Variants in FGF14 observed in about 807,000 individuals in gnomAD.
FGF14 encodes fibroblast growth factor homologous factor 4.
In FGF14, 5 loss-of-function variants were observed where a neutral mutation model predicts 25.5. That is an observed-to-expected ratio of 0.20 (90% CI 0.10 to 0.41). The LOEUF is 0.41. Among genes scored for constraint, FGF14 ranks in the 10% least tolerant of loss-of-function variants. The pLI, the probability that FGF14 is intolerant of heterozygous loss-of-function variation, is 1.00. For synonymous variants in FGF14, 138 were observed against 118.3 expected (o/e 1.17, Z -1.08); for missense variants, 222 against 320.1 (o/e 0.69, Z 2.34).
At chr13:101,966,550 T>A (rs369271007) in intron 1 of FGF14, among the ~76,000 whole-genome samples, 2 of 152,124 alleles carry the variant, frequency 1.3e-5, no homozygotes, top group Admixed American at 1.3e-4. Flanking sequence ...TGGTGCCATC[T>A]CGCCTCACTG....
intron 1 of FGF14, among the ~76,000 whole-genome samples, chr13:101,897,177 C>A (rs2030821717): frequency 1.3e-5 from 2 of 152,132 alleles, no homozygotes; most frequent in African/African-American, 4.8e-5. Context: ...CCTGGGTTTG[C>A]CCCGCTCACC....
chr13:101,888,834 A>G (rs368884923), intron 1 of FGF14, among the ~76,000 whole-genome samples: 1 of 135,372 alleles, frequency 7.4e-6, no homozygotes, highest in Non-Finnish European at 1.7e-5. Flanking sequence ...ATGGTGTGAA[A>G]GCATCAAAGG....
At chr13:101,980,483 G>T (rs1453028943) in intron 1 of FGF14, among the ~76,000 whole-genome samples, 1 of 152,162 alleles carries the variant, frequency 6.6e-6, no homozygotes, top group Non-Finnish European at 1.5e-5. Flanking sequence ...TTAAACTAGA[G>T]CATTATAATA....
intron 1 of FGF14, among the ~76,000 whole-genome samples, chr13:101,906,484 T>G (rs1030859763): frequency 6.6e-6 from 1 of 152,132 alleles, no homozygotes; most frequent in Non-Finnish European, 1.5e-5. Flanking sequence ...AAAAAGACAT[T>G]AAGCAATGAG....
At chr13:101,968,651 C>A (rs569430064) in intron 1 of FGF14, among the ~76,000 whole-genome samples, 2 of 135,182 alleles carry the variant, frequency 1.5e-5, no homozygotes, top group Admixed American at 8.9e-5. Flanking sequence ...CCAGCCTGGG[C>A]GACAGAGCGA....
chr13:101,902,958 A>G (rs1015451590), intron 1 of FGF14, among the ~76,000 whole-genome samples: 8 of 152,182 alleles, frequency 5.3e-5, no homozygotes, highest in African/African-American at 1.7e-4. Flanking sequence ...AAGCCAGCTG[A>G]TACTGTTATC....
intron 1 of FGF14, among the ~76,000 whole-genome samples, chr13:102,026,404 T>C (rs539746458): frequency 1.3e-4 from 20 of 151,782 alleles, no homozygotes; most frequent in Admixed American, 2.6e-4. Context: ...TATACTTATT[T>C]CCTTGTAATA....
rs139667903 is a variant in FGF14, at chr13:102,196,710, T to A, written c.208+204761A>T. ...CAAAAACATGTCAAATCTACCCTTTTAGCAATTTTGAAATATGTAATGCAA... is the reference window on the plus strand; with the variant it reads ...CAAAAACATGTCAAATCTACCCTTTAAGCAATTTTGAAATATGTAATGCAA... On this transcript the variant is annotated intron_variant, in intron 1 of 4. Coordinates refer to the FGF14 transcript ENST00000376131. 4.7e-3 allele frequency among the ~76,000 whole-genome samples: 720 copies of A among 152,338 alleles called. 3 individuals are homozygous for A. The highest frequency in any genetic ancestry group is 0.016 in the African/African-American group (656 of 41,590).
chr13:101,999,883 C>T (rs973083376), intron 1 of FGF14, among the ~76,000 whole-genome samples: 41 of 152,152 alleles, frequency 2.7e-4, no homozygotes, highest in African/African-American at 8.0e-4. Context: ...TAAGGATCCA[C>T]TCAAAGGGGG....
chr13:101,821,790 A>C (rs1240889208), intron 3 of FGF14, among the ~76,000 whole-genome samples: 1 of 152,078 alleles, frequency 6.6e-6, no homozygotes, highest in Non-Finnish European at 1.5e-5. Flanking sequence ...GATGCTGAGC[A>C]CCTTTTCATA....
chr13:101,753,458 A>G (rs2037435683), intron 3 of FGF14, among the ~76,000 whole-genome samples: 1 of 152,000 alleles, frequency 6.6e-6, no homozygotes, highest in South Asian at 2.1e-4. Flanking sequence ...TGGTTTGCAA[A>G]TTTTTATTGT....
chr13:102,240,615 T>C (rs1367856190), intron 1 of FGF14, among the ~76,000 whole-genome samples: 1 of 152,174 alleles, frequency 6.6e-6, no homozygotes, highest in Non-Finnish European at 1.5e-5. Flanking sequence ...TCTCCTCAGC[T>C]ATGAACTACT....
At chr13:102,106,196 A>C (rs61966550) in intron 1 of FGF14, among the ~76,000 whole-genome samples, 10,266 of 152,312 alleles carry the variant, frequency 0.067, 386 homozygotes, top group Non-Finnish European at 0.09. Context: ...GTGCTGAGTG[A>C]TTGCTACTAA....
intron 1 of FGF14, among the ~76,000 whole-genome samples, chr13:102,264,618 C>A (rs967458458): frequency 6.7e-6 from 1 of 148,274 alleles, no homozygotes; most frequent in Non-Finnish European, 1.5e-5. Context: ...ATTTACGAGT[C>A]TTTACAGGTT....
chr13:101,895,146 A>T lies in FGF14; in HGVS notation c.194-19850T>A, dbSNP rs191929318. On this transcript the variant is annotated intron_variant, in intron 1 of 4. Transcript: ENST00000376143. ...TCCTTAAATAAAGGTTTAAGTGTACATCCTTTTCTTGTCATGTTAATGTGG... is the reference window on the plus strand; with the variant it reads ...TCCTTAAATAAAGGTTTAAGTGTACTTCCTTTTCTTGTCATGTTAATGTGG... Among the ~76,000 whole-genome samples the T allele has an allele frequency of 3.4e-3, 513 of 152,256 alleles. 1 individual carries two copies. The highest frequency in any genetic ancestry group is 5.9e-3 in the Non-Finnish European group (402 of 68,014).
chr13:102,031,355 G>T lies in FGF14; in HGVS notation c.209-156059C>A, dbSNP rs76412297. 2.8e-3 allele frequency among the ~76,000 whole-genome samples: 419 copies of T among 152,140 alleles called. 2 individuals are homozygous for T. Among genetic ancestry groups the T allele is most frequent in the African/African-American group, 9.6e-3 (398 of 41,516 alleles). ...ACACACCATTTATTCCTCACAACGC[G>T]TTAGGTTTCCTTATGCACTTATGAT... On this transcript the variant is annotated intron_variant, in intron 1 of 4. Coordinates refer to the FGF14 transcript ENST00000376131.
At chr13:102,041,321 T>C (rs545322003) in intron 1 of FGF14, among the ~76,000 whole-genome samples, 2 of 152,214 alleles carry the variant, frequency 1.3e-5, no homozygotes, top group East Asian at 3.9e-4. Context: ...GTTGTAAAGT[T>C]ATAGAATAAA....
intron 1 of FGF14, among the ~76,000 whole-genome samples, chr13:102,025,101 G>C (rs1383240516): frequency 6.6e-6 from 1 of 151,510 alleles, no homozygotes; most frequent in Non-Finnish European, 1.5e-5. Context: ...TTGGTTTGTA[G>C]TAATTTTTGA....
intron 1 of FGF14, among the ~76,000 whole-genome samples, chr13:101,980,979 A>G (rs2038213143): frequency 1.3e-5 from 2 of 151,444 alleles, no homozygotes; most frequent in African/African-American, 4.9e-5. Flanking sequence ...TGGTGGCTCA[A>G]GCCTGTAATC....
Sources: allele counts gnomAD v4.1 joint callset (sites outside exome capture counted in the v4.1 genomes callset), GRCh38; gene constraint gnomAD v4.1.1; transcripts MANE v1.5; gene names NCBI Gene and HGNC (gene_info 2026-07-23, HGNC 2026-07-21).